Variants in HIPK3 observed in about 807,000 individuals in gnomAD.
HIPK3 encodes homeodomain interacting protein kinase 3, also known as homeodomain-interacting protein kinase 3.
Under a neutral mutation model 124.2 loss-of-function variants are expected in HIPK3, and 47 were observed. The observed-to-expected ratio is 0.38, with a 90% CI of 0.30 to 0.48. The LOEUF is 0.48. Among genes scored for constraint, HIPK3 ranks in the 20% least tolerant of loss-of-function variants. HIPK3 has a pLI of 0.98. For missense variants in HIPK3, 1,286 were observed against 1,454.3 expected, an observed-to-expected ratio of 0.88 and a Z score of 1.88; for synonymous variants, 482 against 515.2, an observed-to-expected ratio of 0.94 and a Z score of 0.87.
chr11:33,262,440 A>G (rs946502808), intron 1 of HIPK3, among the ~76,000 whole-genome samples: 13 of 152,242 alleles, frequency 8.5e-5, no homozygotes, highest in Non-Finnish European at 1.5e-5. Flanking sequence ...GATACTTGGA[A>G]CATATGTTAC....
intron 2 of HIPK3, among the ~76,000 whole-genome samples, chr11:33,297,527 GA>G (rs1046337239): frequency 5.3e-5 from 8 of 152,206 alleles, no homozygotes; most frequent in African/African-American, 1.4e-4. Context: ...AGCTGCAGAA[GA>G]AAAGATGGAA....
intron 2 of HIPK3, among the ~76,000 whole-genome samples, chr11:33,300,620 T>G (rs985015617): frequency 6.6e-6 from 1 of 152,236 alleles, no homozygotes; most frequent in African/African-American, 2.4e-5. Flanking sequence ...CCAAAAAATT[T>G]GTGTGACTCA....
In HIPK3 at chr11:33,335,331, A is replaced by G. The variant is rs569074623; in HGVS notation, c.1222-1744A>G. Among the ~76,000 whole-genome samples the G allele has an allele frequency of 8.2e-4, 125 of 152,352 alleles. 1 individual carries two copies. In the South Asian group the frequency reaches 0.025, roughly 31 times the overall value. On this transcript the variant is annotated intron_variant, in intron 3 of 16. Transcript: ENST00000303296. Reference sequence around the variant, plus strand: ...GACTCTGGAAAGCAGTGTCATATAAAGAACAAACAGAGGAACAGAGTTAAA... The same window carrying G: ...GACTCTGGAAAGCAGTGTCATATAAGGAACAAACAGAGGAACAGAGTTAAA...
chr11:33,302,794 T>C (rs1411879952), intron 2 of HIPK3, among the ~76,000 whole-genome samples: 1 of 152,256 alleles, frequency 6.6e-6, no homozygotes. Flanking sequence ...GATTTTTATA[T>C]GTGACTTTTG....
Position 33,257,489 on chromosome 11 carries a change from G to A in HIPK3, c.-403G>A, listed in dbSNP as rs995133695. On this transcript the variant is annotated 5_prime_UTR_variant, in exon 1 of 17. Transcript: ENST00000303296. ...CCGCCAGTCTTCCTTCTCCGCTCCC[G>A]GCCGGGGCGTCAGGAATGGGCCCCA... 4.1e-6 allele frequency: 4 copies of A among 985,676 alleles called. No individual in the cohort carries two copies. In the African/African-American group the frequency reaches 5.2e-5, roughly 13 times the overall value. The allele number at this position is 985,676 out of a possible 1,614,324, so 61.1% of individuals were successfully genotyped here.
At chr11:33,265,044 T>C (rs1850917722) in intron 1 of HIPK3, among the ~76,000 whole-genome samples, 1 of 152,226 alleles carries the variant, frequency 6.6e-6, no homozygotes, top group Non-Finnish European at 1.5e-5. Flanking sequence ...AAACTGAACC[T>C]GACTTTCTAG....
At chr11:33,332,583 C>A (rs917527696) in intron 3 of HIPK3, among the ~76,000 whole-genome samples, 2 of 152,174 alleles carry the variant, frequency 1.3e-5, no homozygotes, top group Admixed American at 1.3e-4. Flanking sequence ...TTATCCAGAA[C>A]AACTAAGAGT....
intron 1 of HIPK3, among the ~76,000 whole-genome samples, chr11:33,264,878 T>A (rs1245435072): frequency 1.3e-5 from 2 of 152,218 alleles, no homozygotes; most frequent in African/African-American, 4.8e-5. Context: ...GTGCCAATTT[T>A]AAAATCTGTT....
At chr11:33,309,737 C>T (rs1456939838) in intron 2 of HIPK3, among the ~76,000 whole-genome samples, 1 of 152,176 alleles carries the variant, frequency 6.6e-6, no homozygotes, top group African/African-American at 2.4e-5. Flanking sequence ...TTTATCAATC[C>T]ATTTTTATCT....
intron 1 of HIPK3, among the ~76,000 whole-genome samples, chr11:33,276,487 A>G (rs1851273816): frequency 6.6e-6 from 1 of 152,164 alleles, no homozygotes; most frequent in Admixed American, 6.5e-5. Context: ...TATATAGTTG[A>G]TATACAATCA....
rs906268369 is a variant in HIPK3, at chr11:33,348,152, T to C, written c.2307-14T>C. On this transcript the variant is annotated splice_polypyrimidine_tract_variant and intron_variant, in intron 11 of 16. Coordinates refer to ENST00000303296, the MANE Select transcript of HIPK3 (RefSeq NM_005734.5). ...GTTACAAACACTAAGCCAGCTCCCTTCTCAATTTCTCAGAGGTATTTTGGT... is the reference window on the plus strand; with the variant it reads ...GTTACAAACACTAAGCCAGCTCCCTCCTCAATTTCTCAGAGGTATTTTGGT... 2.5e-6 allele frequency: 4 copies of C among 1,613,406 alleles called. No individual in the cohort carries two copies. In the African/African-American group the frequency reaches 5.3e-5, roughly 22 times the overall value.
intron 14 of HIPK3, 30 bp from the exon 15 acceptor site, chr11:33,351,578 T>A: frequency 2.7e-6 from 4 of 1,493,186 alleles, no homozygotes; most frequent in Non-Finnish European, 3.7e-6. Context: ...GAAAAAAATA[T>A]CACTCATAAA....
chr11:33,278,897 C>G (rs1851339909), intron 1 of HIPK3, among the ~76,000 whole-genome samples: 1 of 152,036 alleles, frequency 6.6e-6, no homozygotes, highest in South Asian at 2.1e-4. Context: ...ATTTTTACCG[C>G]AATTTTTAAA....
intron 14 of HIPK3, among the ~76,000 whole-genome samples, chr11:33,350,958 A>G (rs999779069): frequency 1.1e-4 from 17 of 152,158 alleles, no homozygotes; most frequent in Non-Finnish European, 5.9e-5. Flanking sequence ...TATATAAATA[A>G]AAATATGTAT....
In HIPK3 at chr11:33,354,460, TC is replaced by T. The variant is rs1853761627; in HGVS notation, c.*893del. On this transcript the variant is annotated 3_prime_UTR_variant, in exon 17 of 17. Coordinates refer to ENST00000303296, the MANE Select transcript of HIPK3 (RefSeq NM_005734.5). ...ACTGTTAAGTGAAACTGCAATACAA[TC>T]TAAGTTTATTTTGAGAGTGTTTGCT... 1 of 152,626 alleles carries T rather than the reference TC, an allele frequency of 6.6e-6. No individual in the cohort carries two copies. Among genetic ancestry groups the T allele is most frequent in the African/African-American group, 2.4e-5 (1 of 41,470 alleles). The allele number at this position is 152,626 out of a possible 1,614,324, so 9.5% of individuals were successfully genotyped here.
At chr11:33,306,867 T>C (rs1248878995) in intron 2 of HIPK3, among the ~76,000 whole-genome samples, 1 of 152,166 alleles carries the variant, frequency 6.6e-6, no homozygotes, top group Non-Finnish European at 1.5e-5. Context: ...TGGTATTATG[T>C]GCTGCTGTTG....
intron 2 of HIPK3, among the ~76,000 whole-genome samples, chr11:33,302,809 T>C (rs930116396): frequency 6.6e-6 from 1 of 152,246 alleles, no homozygotes; most frequent in African/African-American, 2.4e-5. Context: ...CTTTTGAGGC[T>C]ACTTAATTTT....
chr11:33,331,094 G>T (rs189415267), intron 3 of HIPK3, among the ~76,000 whole-genome samples: 50 of 152,054 alleles, frequency 3.3e-4, no homozygotes, highest in African/African-American at 1.2e-3. Context: ...TATTGACGAG[G>T]CAGGTCTTAA....
Position 33,348,182 on chromosome 11 carries a change from C to G in HIPK3, c.2323C>G (p.Leu775Val). The G allele has an allele frequency of 3.7e-6, 6 of 1,613,916 alleles. No individual in the cohort carries two copies. In the South Asian group the frequency reaches 4.4e-5, roughly 12 times the overall value. Residue 775 changes from leucine to valine, a missense_variant, in exon 12 of 17, where the codon CTA (leucine) becomes GTA (valine). Physicochemically the swap from Leu to Val is conservative, Grantham distance 32 (BLOSUM62 1). This residue lies in a region of HIPK3 where 810 missense variants were observed against 864.9 expected (regional missense o/e 0.94). Transcript: ENST00000303296. The part of the protein sequence containing the change: ...QCQNRGILVK[L>V]MEWEPGREEI... ...ATTTCTCAGAGGTATTTTGGTAAAA[C>G]TAATGGAATGGGAGCCAGGAAGAGA... is the stretch of plus-strand genomic sequence containing the variant.
Sources: gnomAD v4.1 joint callset for allele counts (sites outside exome capture counted in the v4.1 genomes callset) on GRCh38, gnomAD v4.1.1 for gene constraint, gnomAD v4.1.1 regional missense constraint, MANE v1.5 for transcripts, NCBI Gene and HGNC (gene_info 2026-07-23, HGNC 2026-07-21) for gene names.